LARP1B: variants seen among roughly 807,000 people sequenced by gnomAD.
The protein encoded by LARP1B is La ribonucleoprotein 1B.
A neutral mutation model predicts 114.2 loss-of-function variants in LARP1B; 76 were observed. The observed-to-expected ratio is 0.67, with a 90% CI of 0.55 to 0.81. The LOEUF (loss-of-function observed/expected upper bound fraction) is 0.81, where lower values mean the gene tolerates loss of function less well. Ranked by LOEUF, LARP1B falls within the 30% of genes least tolerant of loss-of-function variation. The pLI is 0.00. For missense variants in LARP1B, 1,014 were observed against 1,075.8 expected (o/e 0.94, Z 0.80); for synonymous variants, 345 against 348.0 (o/e 0.99, Z 0.10).
chr4:128,097,543 G>A (rs2149671143), intron 7 of LARP1B, among the ~76,000 whole-genome samples: 1 of 152,060 alleles, frequency 6.6e-6, no homozygotes, highest in South Asian at 2.1e-4. Context: ...CCGACCTCAG[G>A]GGATCCACCC....
At chr4:128,090,316 G>GC (rs1775434758) in intron 5 of LARP1B, among the ~76,000 whole-genome samples, 1 of 152,018 alleles carries the variant, frequency 6.6e-6, no homozygotes, top group South Asian at 2.1e-4. Context: ...CAGTTGATCC[G>GC]CCCCCCTTGG....
Position 128,107,219 on chromosome 4 carries a change from A to G in LARP1B, c.894A>G (p.Pro298=). 1 of 1,614,024 alleles carries G rather than the reference A, an allele frequency of 6.2e-7. No individual in the cohort carries two copies. Among genetic ancestry groups the G allele is most frequent in the Non-Finnish European group, 8.5e-7 (1 of 1,179,916 alleles). Residue 298 remains proline, a synonymous_variant, in exon 9 of 20, where the codon CCA becomes CCG. Transcript: ENST00000326639. ...TAGAACCAGAAAAATGGCCAATTCC[A>G]GGCCCTCCTCCACGCAGTGTGCCAC... is the stretch of plus-strand genomic sequence containing the variant. The part of the protein sequence containing the change: ...KKIEPEKWPI[P]GPPPRSVPPT...
intron 8 of LARP1B, among the ~76,000 whole-genome samples, chr4:128,098,924 C>A (rs182231587): frequency 2.7e-5 from 4 of 149,850 alleles, no homozygotes; most frequent in African/African-American, 9.8e-5. Flanking sequence ...ACTACAAGCA[C>A]GCACCATCAT....
rs547221493 is a variant in LARP1B at position 128,091,260 on chromosome 4, G to T, written c.503-87G>T. ...TCTGATAATAGATGGTTTTATGTTT[G>T]TTAACCTTTGAAGTTCTTCACTTTA... On this transcript the variant is annotated intron_variant, in intron 6 of 19. Coordinates refer to ENST00000326639, the MANE Select transcript of LARP1B (RefSeq NM_018078.4). The T allele has an allele frequency of 5.6e-5, 84 of 1,509,458 alleles. 1 individual carries two copies. The African/African-American group carries it at 9.9e-4, about 18-fold the overall frequency. 93.5% of individuals were successfully genotyped at this position (1,509,458 alleles called of 1,614,324 possible). A position where few individuals can be genotyped will look rare whatever the true frequency, so the allele number is the denominator to read the frequency against.
At chr4:128,079,543 T>C (rs1360409896) in intron 4 of LARP1B, among the ~76,000 whole-genome samples, 1 of 151,958 alleles carries the variant, frequency 6.6e-6, no homozygotes, top group Non-Finnish European at 1.5e-5. Context: ...CTGTTTCTTT[T>C]TTTTTAATTT....
At chr4:128,216,967 A>G (rs1487180026), downstream of LARP1B, among the ~76,000 whole-genome samples, 4 of 151,578 alleles carry the variant, frequency 2.6e-5, no homozygotes, top group African/African-American at 9.6e-5. Flanking sequence ...GGATATCACC[A>G]CCGATCCCAC....
At chr4:128,126,585 A>C (rs980463681) in intron 11 of LARP1B, among the ~76,000 whole-genome samples, 1 of 152,228 alleles carries the variant, frequency 6.6e-6, no homozygotes, top group Non-Finnish European at 1.5e-5. Flanking sequence ...AACCAAATCA[A>C]TTGAAGGGAT....
intron 9 of LARP1B, among the ~76,000 whole-genome samples, chr4:128,112,205 T>A (rs1296914154): frequency 6.6e-6 from 1 of 152,102 alleles, no homozygotes; most frequent in African/African-American, 2.4e-5. Context: ...GAGCCATGTA[T>A]ATAACTCTAA....
At chr4:128,114,489 A>G in intron 9 of LARP1B, 81 bp from the exon 10 acceptor site, 2 of 1,037,892 alleles carry the variant, frequency 1.9e-6, no homozygotes. Context: ...ATCAAGCCCC[A>G]GTTAAGGAAA....
At chr4:128,103,347 G>A (rs1028341449) in intron 8 of LARP1B, among the ~76,000 whole-genome samples, 2 of 151,770 alleles carry the variant, frequency 1.3e-5, no homozygotes, top group African/African-American at 4.8e-5. Context: ...AACTCAAAAG[G>A]GTATATGGTT....
chr4:128,126,590 A>C (rs1034589292), intron 11 of LARP1B, among the ~76,000 whole-genome samples: 1 of 152,232 alleles, frequency 6.6e-6, no homozygotes, highest in African/African-American at 2.4e-5. Context: ...AATCAATTGA[A>C]GGGATTAGCA....
intron 10 of LARP1B, among the ~76,000 whole-genome samples, 185 bp from the exon 11 acceptor site, chr4:128,121,641 T>A (rs1788013204): frequency 6.6e-6 from 1 of 152,244 alleles, no homozygotes; most frequent in African/African-American, 2.4e-5. Flanking sequence ...CAACTTTGTG[T>A]TTTTCTTTAG....
rs771110516 is a variant in LARP1B at position 128,098,938 on chromosome 4, C to T, written c.813+608C>T. On this transcript the variant is annotated intron_variant, in intron 8 of 19. Transcript: ENST00000326639. ...GACTACAAGCACGCACCATCATGCC[C>T]GGCTAATTTTTGTATTTTTATTAGA... 5.5e-4 allele frequency among the ~76,000 whole-genome samples: 82 copies of T among 150,238 alleles called. 1 individual carries two copies. The highest frequency in any genetic ancestry group is 6.8e-4 in the Non-Finnish European group (46 of 67,554).
At chr4:128,179,351 T>C in intron 14 of LARP1B, 55 bp from the exon 15 acceptor site, 1 of 1,081,378 alleles carries the variant, frequency 9.2e-7, no homozygotes, top group Non-Finnish European at 1.4e-6. Flanking sequence ...TTTAATTTAC[T>C]TGTGAAGTTC....
chr4:128,131,421 G>A (rs1041286867), intron 11 of LARP1B, among the ~76,000 whole-genome samples: 3 of 152,060 alleles, frequency 2.0e-5, no homozygotes. Flanking sequence ...TTACCAGTCT[G>A]TGTGTGTTGA....
chr4:128,195,900 AAAAC>A (rs1007299649), intron 15 of LARP1B, among the ~76,000 whole-genome samples: 2 of 152,196 alleles, frequency 1.3e-5, no homozygotes, highest in Non-Finnish European at 2.9e-5. Context: ...TAGAATCAGA[AAAAC>A]AAACAAACAA....
intron 15 of LARP1B, among the ~76,000 whole-genome samples, chr4:128,187,557 C>T (rs1233084563): frequency 2.0e-5 from 3 of 152,138 alleles, no homozygotes; most frequent in Non-Finnish European, 4.4e-5. Flanking sequence ...TTTACAGGCT[C>T]ATAGGTGGAA....
intron 6 of LARP1B, among the ~76,000 whole-genome samples, chr4:128,219,974 C>T (rs1759875733): frequency 6.6e-6 from 1 of 152,182 alleles, no homozygotes. Context: ...TAACCTCTGT[C>T]TACCAGGTTC....
intron 1 of LARP1B, among the ~76,000 whole-genome samples, chr4:128,064,730 CA>C (rs1266672896): frequency 6.6e-6 from 1 of 152,064 alleles, no homozygotes; most frequent in Non-Finnish European, 1.5e-5. Flanking sequence ...AAACCAGTAT[CA>C]TAGATTTTAA....
Sources: gnomAD v4.1 joint callset for allele counts (sites outside exome capture counted in the v4.1 genomes callset) on GRCh38, gnomAD v4.1.1 for gene constraint, MANE v1.5 for transcripts, NCBI Gene and HGNC (gene_info 2026-07-23, HGNC 2026-07-21) for gene names.